Variants in SEC16B observed in about 807,000 individuals in gnomAD.
SEC16B encodes protein transport protein Sec16B.
In SEC16B, 115 loss-of-function variants were observed where a neutral mutation model predicts 141.8. That is an observed-to-expected ratio of 0.81 (90% confidence interval 0.70 to 0.95). The LOEUF is 0.95. Among genes scored for constraint, SEC16B ranks in the 40% least tolerant of loss-of-function variants. The probability of loss-of-function intolerance (pLI) is 0.00; values close to 1 mark genes in which losing one functional copy is unlikely to be tolerated. For synonymous variants in SEC16B, 493 were observed against 492.5 expected (o/e 1.00, Z -0.01); for missense variants, 1,291 against 1,312.3 (o/e 0.98, Z 0.25).
chr1:177,966,027 T>C (rs758879913), intron 2 of SEC16B, 22 bp from the exon 3 acceptor site: 12 of 1,442,752 alleles, frequency 8.3e-6, no homozygotes, highest in Non-Finnish European at 1.1e-5. Context: ...CAAAGAAGAC[T>C]GGTCAGTTGA....
rs763018776 is a variant in SEC16B, at chr1:177,937,437, C to T, written c.2280G>A (p.Leu760=). 2 of 1,607,106 alleles carry T rather than the reference C, an allele frequency of 1.2e-6. No homozygotes were observed. The highest frequency in any genetic ancestry group is 1.7e-5 in the Admixed American group (1 of 58,982). ...EAPGYRSALW[L]TPEQTCLLQP... is the part of the protein sequence containing the mutation. Reference sequence around the variant, plus strand: ...GGAGCAGGCAGGTCTGCTCAGGTGTCAGCCACAGAGCTGAGCGGTACCCAG... The same window carrying T: ...GGAGCAGGCAGGTCTGCTCAGGTGTTAGCCACAGAGCTGAGCGGTACCCAG... The change falls in exon 19 of 26, where the codon CTG becomes CTA. Residue 760 remains leucine (L), a synonymous_variant. Coordinates refer to ENST00000308284, the MANE Select transcript of SEC16B (RefSeq NM_033127.4).
intron 11 of SEC16B, among the ~76,000 whole-genome samples, chr1:177,953,963 C>G (rs1652402488): frequency 6.6e-6 from 1 of 152,138 alleles, no homozygotes. Flanking sequence ...GATCGCTACC[C>G]CTCATTACCA....
At chr1:177,960,743 T>A in intron 7 of SEC16B, 48 bp downstream of exon 7, 1 of 1,544,798 alleles carries the variant, frequency 6.5e-7, no homozygotes, top group Non-Finnish European at 8.7e-7. Flanking sequence ...TTAGGAGTAG[T>A]TGGGTAAGCA....
At chr1:177,984,047 C>T (rs1200600636) in intron 1 of SEC16B, among the ~76,000 whole-genome samples, 1 of 152,106 alleles carries the variant, frequency 6.6e-6, no homozygotes, top group Admixed American at 6.6e-5. Flanking sequence ...TTGCTGAAAA[C>T]CATGTGCTGG....
chr1:177,963,143 G>A (rs1394081263), intron 5 of SEC16B, among the ~76,000 whole-genome samples: 1 of 151,752 alleles, frequency 6.6e-6, no homozygotes, highest in Admixed American at 6.6e-5. Context: ...AAAGCTCTTT[G>A]TACAGTGTAA....
chr1:177,977,528 A>G (rs2102025538), intron 1 of SEC16B, among the ~76,000 whole-genome samples: 1 of 152,336 alleles, frequency 6.6e-6, no homozygotes, highest in Non-Finnish European at 1.5e-5. Context: ...CAAGGAAAGT[A>G]GGTCTTTCAG....
At chr1:177,959,692 T>C (rs1652913052) in intron 8 of SEC16B, 1 of 154,250 alleles carries the variant, frequency 6.5e-6, no homozygotes, top group Non-Finnish European at 1.4e-5. Context: ...GAGCAGGTGT[T>C]ATACCATTTC....
At chr1:177,962,452 T>G (rs1276736800) in intron 5 of SEC16B, among the ~76,000 whole-genome samples, 1 of 151,232 alleles carries the variant, frequency 6.6e-6, no homozygotes, top group Admixed American at 6.6e-5. Flanking sequence ...AAGAAATTCA[T>G]GGGGCCAGGT....
intron 12 of SEC16B, chr1:177,948,704 C>T: frequency 8.2e-7 from 1 of 1,226,968 alleles, no homozygotes. Flanking sequence ...GTCATGGAAA[C>T]AACACAGGCC....
intron 11 of SEC16B, among the ~76,000 whole-genome samples, chr1:177,953,394 T>C (rs1227955051): frequency 2.0e-5 from 3 of 152,192 alleles, no homozygotes; most frequent in Non-Finnish European, 4.4e-5. Context: ...CTTCACAGCT[T>C]TAACCAGCAC....
chr1:177,933,415 C>T, intron 21 of SEC16B, 69 bp downstream of exon 21: 1 of 1,578,006 alleles, frequency 6.3e-7, no homozygotes, highest in Non-Finnish European at 8.6e-7. Flanking sequence ...ACTTCCAAGT[C>T]TGCACCACCC....
At chr1:177,974,379 TAGA>T (rs1654084943), upstream of SEC16B, among the ~76,000 whole-genome samples, 1 of 152,048 alleles carries the variant, frequency 6.6e-6, no homozygotes, top group Admixed American at 6.6e-5. Flanking sequence ...GAGGTGGACA[TAGA>T]AGAACTGGAC....
At chr1:177,944,428 C>A in intron 15 of SEC16B, 133 bp downstream of exon 15, 2 of 695,250 alleles carry the variant, frequency 2.9e-6, no homozygotes, top group Non-Finnish European at 5.1e-6. Context: ...CACCCTCCCA[C>A]GCTTAAGCTA....
Position 177,929,884 on chromosome 1 carries a change from G to T in SEC16B, c.3157C>A (p.Arg1053Ser). ...SLNRPNRLAQ[R>S]RYPTQPC is the part of the protein sequence containing the mutation. Reference sequence around the variant, plus strand: ...CAGCATGGCTGGGTGGGATAGCGACGCTGAGCTAGGCGATTTGGCCGATTC... The same window carrying T: ...CAGCATGGCTGGGTGGGATAGCGACTCTGAGCTAGGCGATTTGGCCGATTC... The change falls in exon 26 of 26, where the codon CGT (arginine) becomes AGT (serine). Residue 1053 changes from arginine (R) to serine (S), a missense_variant. By Grantham distance (110) the Arg-to-Ser change is moderately radical. Around this residue, in one of 3 missense-constraint regions of SEC16B, gnomAD observed 605 missense variants for 614.1 expected, o/e 0.99. Coordinates refer to ENST00000308284, the MANE Select transcript of SEC16B (RefSeq NM_033127.4). The T allele has an allele frequency of 6.2e-7, 1 of 1,613,918 alleles. No homozygotes were observed. The highest frequency in any genetic ancestry group is 8.5e-7 in the Non-Finnish European group (1 of 1,179,868).
In SEC16B at chr1:177,933,546, T is replaced by C. The variant is rs749677926; in HGVS notation, c.2662A>G (p.Lys888Glu). The C allele has an allele frequency of 2.5e-6, 4 of 1,613,988 alleles. No homozygotes were observed. In the East Asian group the frequency reaches 8.9e-5, roughly 36 times the overall value. The change falls in exon 21 of 26, where the codon AAA becomes GAA. Residue 888 changes from lysine to glutamate, a missense_variant. Lys to Glu is a moderately conservative substitution (Grantham distance 56). Around this residue, in one of 3 missense-constraint regions of SEC16B, gnomAD observed 605 missense variants for 614.1 expected, o/e 0.99. Transcript: ENST00000308284. ...DEKESSDEAD[K>E]NSPRNTAQRG... ...TGGGCAGTATTTCGGGGAGAGTTTT[T>C]ATCAGCCTCATCAGAGGACTCCTTC...
At position 177,932,747 on chromosome 1, in the gene SEC16B, G is replaced by A; in HGVS notation, c.2883C>T (p.Ser961=). Residue 961 remains serine (S), a synonymous_variant, in exon 23 of 26, where the codon TCC becomes TCT. Coordinates refer to ENST00000308284, the MANE Select transcript of SEC16B (RefSeq NM_033127.4). The part of the protein sequence containing the change: ...QAGLGLSLTP[S]PESPPLPDVS... Reference sequence around the variant, plus strand: ...CATCCGGCAGAGGTGGGGACTCAGGGGAAGGTGTCAGTGAGAGGCCCAGGC... The same window carrying A: ...CATCCGGCAGAGGTGGGGACTCAGGAGAAGGTGTCAGTGAGAGGCCCAGGC... 1 of 1,611,358 alleles carries A rather than the reference G, an allele frequency of 6.2e-7. No individual in the cohort carries two copies.
At chr1:177,944,925 C>T (rs534484934) in intron 14 of SEC16B, among the ~76,000 whole-genome samples, 1 of 152,240 alleles carries the variant, frequency 6.6e-6, no homozygotes, top group South Asian at 2.1e-4. Flanking sequence ...GCGGAGGCTG[C>T]AGAAAAGGGG....
chr1:177,967,514 T>A (rs1355057012), intron 2 of SEC16B, among the ~76,000 whole-genome samples, 169 bp downstream of exon 2: 1 of 151,438 alleles, frequency 6.6e-6, no homozygotes, highest in African/African-American at 2.4e-5. Flanking sequence ...TCTTCAGTCA[T>A]CAAAAACAAA....
chr1:177,954,401 A>G (rs1423400618), intron 10 of SEC16B, 25 bp from the exon 11 acceptor site: 2 of 1,543,824 alleles, frequency 1.3e-6, no homozygotes, highest in Admixed American at 1.9e-5. Context: ...ATCACATTCA[A>G]GAGTGCCTTT....
Sources: allele counts gnomAD v4.1 joint callset (sites outside exome capture counted in the v4.1 genomes callset), GRCh38; gene constraint gnomAD v4.1.1; regional missense constraint gnomAD v4.1.1; transcripts MANE v1.5; gene names NCBI Gene and HGNC (gene_info 2026-07-23, HGNC 2026-07-21).